Variants in NCOR2 observed in about 807,000 individuals in gnomAD.
NCOR2 encodes nuclear receptor corepressor 2.
NCOR2 carries 81 observed loss-of-function variants against 262.9 expected under a neutral mutation model. That is an observed-to-expected ratio of 0.31 (90% CI 0.26 to 0.37). The LOEUF (loss-of-function observed/expected upper bound fraction) is 0.37. NCOR2 is among the 10% of genes least tolerant of loss of function. The pLI is 1.00. For missense variants in NCOR2, 3,385 were observed against 3,621.4 expected, an observed-to-expected ratio of 0.93 and a Z score of 1.68; for synonymous variants, 1,659 against 1,559.3, an observed-to-expected ratio of 1.06 and a Z score of -1.51.
chr12:124,488,193 T>C lies in NCOR2; in HGVS notation c.106-1625A>G, dbSNP rs1465988919. ...AGACAATGCCAGGTGGGTGCGTTGA[T>C]AATGTATCTGTTGCAGACCCAACAA... On this transcript the variant is annotated intron_variant, in intron 1 of 46. Transcript: ENST00000405201. Among the ~76,000 whole-genome samples, 4 of 152,202 alleles carry C rather than the reference T, an allele frequency of 2.6e-5. No individual in the cohort carries two copies. The East Asian group carries it at 5.8e-4, about 22-fold the overall frequency.
chr12:124,395,068 G>T (rs1321327789), intron 16 of NCOR2, among the ~76,000 whole-genome samples: 2 of 152,186 alleles, frequency 1.3e-5, no homozygotes, highest in Non-Finnish European at 2.9e-5. Flanking sequence ...AAACCTGGCT[G>T]CTTACCTGCC....
intron 2 of NCOR2, 145 bp downstream of exon 4, chr12:124,486,296 A>G: frequency 7.7e-7 from 1 of 1,306,314 alleles, no homozygotes; most frequent in Non-Finnish European, 1.0e-6. Flanking sequence ...AGTCACGCCC[A>G]CGCCAGGTCA....
intron 8 of NCOR2, among the ~76,000 whole-genome samples, chr12:124,436,955 G>A (rs570759346): frequency 9.9e-4 from 150 of 152,156 alleles, no homozygotes; most frequent in Non-Finnish European, 1.9e-3. Flanking sequence ...GCTTGGTGGC[G>A]GGCGCCTGTA....
intron 13 of NCOR2, among the ~76,000 whole-genome samples, chr12:124,416,770 G>A (rs1402389689): frequency 7.0e-6 from 1 of 143,114 alleles, no homozygotes; most frequent in East Asian, 2.1e-4. Flanking sequence ...GGGAGTCCCC[G>A]CAGCACAGAT....
At chr12:124,352,347 G>C (rs1196131126) in intron 27 of NCOR2, among the ~76,000 whole-genome samples, 1 of 152,144 alleles carries the variant, frequency 6.6e-6, no homozygotes, top group Non-Finnish European at 1.5e-5. Context: ...ATTTAAAAAG[G>C]GGGGCTCTCC....
chr12:124,426,531 C>A, intron 11 of NCOR2, 91 bp downstream of exon 13: 1 of 1,294,184 alleles, frequency 7.7e-7, no homozygotes, highest in Non-Finnish European at 1.0e-6. Context: ...CCCCGGCATG[C>A]TCATTTGTGG....
At chr12:124,372,856 C>A (rs770258100) in intron 19 of NCOR2, among the ~76,000 whole-genome samples, 15 of 152,148 alleles carry the variant, frequency 9.9e-5, no homozygotes, top group Non-Finnish European at 2.2e-4. Context: ...GCTGGCATAA[C>A]CTGGTTAATT....
At chr12:124,369,543 G>A (rs887463210) in intron 20 of NCOR2, among the ~76,000 whole-genome samples, 3 of 152,006 alleles carry the variant, frequency 2.0e-5, no homozygotes, top group Admixed American at 6.5e-5. Flanking sequence ...TCTCGTCCGC[G>A]TCCTCCAGCG....
At chr12:124,331,763 A>C (rs569088444) in intron 43 of NCOR2, 2 of 159,004 alleles carry the variant, frequency 1.3e-5, no homozygotes, top group East Asian at 3.6e-4. Context: ...ACTATCTGCA[A>C]GGTTTCTACT....
At chr12:124,344,820 C>T (rs1487021617) in exon 32 of NCOR2, 32 of 1,555,812 alleles carry the variant, frequency 2.1e-5, no homozygotes, top group Non-Finnish European at 2.5e-5. Context: ...GTTCCAGTGC[C>T]CGGGCGTCGG....
At chr12:124,474,184 A>G (rs2046973408) in intron 3 of NCOR2, among the ~76,000 whole-genome samples, 1 of 152,220 alleles carries the variant, frequency 6.6e-6, no homozygotes, top group Admixed American at 6.5e-5. Context: ...TTCATCCATG[A>G]AGCTCAGTCC....
rs560910961 is a variant in NCOR2 at position 124,554,464 on chromosome 12, C to G, written c.-165+12844G>C. On this transcript the variant is annotated intron_variant, in intron 1 of 32. Coordinates refer to the NCOR2 transcript ENST00000458234. ...CCCAGGTTCCCTCGGTGCCCCCTCC[C>G]ACTCAACTCCCCTCTCTCCAAGGCA... Among the ~76,000 whole-genome samples, 3 of 152,316 alleles carry G rather than the reference C, an allele frequency of 2.0e-5. No individual in the cohort carries two copies. In the East Asian group the frequency reaches 5.8e-4, roughly 29 times the overall value.
chr12:124,523,315 G>T lies in NCOR2; in HGVS notation c.-118+12250C>A, dbSNP rs1256029315. 6.6e-6 allele frequency among the ~76,000 whole-genome samples: 1 copy of T among 152,202 alleles called. No individual in the cohort carries two copies. The highest frequency in any genetic ancestry group is 1.5e-5 in the Non-Finnish European group (1 of 68,030). Reference sequence around the variant, plus strand: ...TGGGCACCCAGCAACTGGCAAGGACGGCTGGGGGCAGGGGGCAGGTGGCTG... The same window carrying T: ...TGGGCACCCAGCAACTGGCAAGGACTGCTGGGGGCAGGGGGCAGGTGGCTG... On this transcript the variant is annotated intron_variant, in intron 1 of 46. Transcript: ENST00000404621. This position sits in a 1 kb window ranked among gnomAD's most constrained non-coding sequence, Gnocchi z 4.0.
exon 2 of NCOR2, chr12:124,486,493 G>T: frequency 6.2e-7 from 1 of 1,611,008 alleles, no homozygotes; most frequent in Non-Finnish European, 8.5e-7. Flanking sequence ...CGCCGCTGGG[G>T]CTGGATGATG....
intron 28 of NCOR2, among the ~76,000 whole-genome samples, chr12:124,350,238 T>C (rs1170160349): frequency 6.6e-6 from 1 of 152,156 alleles, no homozygotes; most frequent in Non-Finnish European, 1.5e-5. Context: ...ACTCTGGCCA[T>C]GGCCTCTTTC....
chr12:124,363,824 C>G, intron 20 of NCOR2, 25 bp from the exon 23 acceptor site: 2 of 1,327,066 alleles, frequency 1.5e-6, no homozygotes, highest in Non-Finnish European at 1.9e-6. Flanking sequence ...GCACCATCAG[C>G]TGGGGGCCCA....
chr12:124,335,042 G>A lies in NCOR2; in HGVS notation c.6411+93C>T. ...CCTGGATCCCCCAGCCACCCCGCCA[G>A]GACAGAAGGGCTGTGGGGTTCCCCA... On this transcript the variant is annotated intron_variant, in intron 40 of 46. Coordinates refer to ENST00000405201, the Ensembl canonical transcript of NCOR2. 5 of 1,588,924 alleles carry A rather than the reference G, an allele frequency of 3.1e-6. No homozygotes were observed. In the South Asian group the frequency reaches 5.5e-5, roughly 18 times the overall value.
chr12:124,412,981 A>G (rs575580999), intron 13 of NCOR2, among the ~76,000 whole-genome samples: 3 of 152,342 alleles, frequency 2.0e-5, no homozygotes, highest in African/African-American at 7.2e-5. Flanking sequence ...CAGCGTGGTC[A>G]GTGGTGTCTG....
chr12:124,329,995 T>A lies in NCOR2; in HGVS notation c.6958+850A>T, dbSNP rs145851467. On this transcript the variant is annotated intron_variant, in intron 44 of 46. Transcript: ENST00000405201. The stretch of plus-strand genomic sequence containing the variant: ...AGGTGTCCTAGTTGGGACTCCCATT[T>A]GGAGGCCTCGCTGACCCCCTGATAA... Among the ~76,000 whole-genome samples the A allele has an allele frequency of 5.7e-3, 876 of 152,350 alleles. 2 individuals are homozygous for A. The highest frequency in any genetic ancestry group is 8.0e-3 in the Non-Finnish European group (547 of 68,028).
Sources: gnomAD v4.1 joint callset for allele counts (sites outside exome capture counted in the v4.1 genomes callset) on GRCh38, gnomAD v4.1.1 for gene constraint, Gnocchi (gnomAD v3.1) non-coding constraint, MANE v1.5 for transcripts, NCBI Gene and HGNC (gene_info 2026-07-23, HGNC 2026-07-21) for gene names.